PTPRD: variants seen among roughly 807,000 people sequenced by gnomAD.
PTPRD encodes the protein receptor-type tyrosine-protein phosphatase delta.
Under a neutral mutation model 214.5 loss-of-function variants are expected in PTPRD, and 34 were observed. The ratio of observed to expected loss-of-function variants is 0.16; its 90% CI spans 0.12 to 0.21. The LOEUF (loss-of-function observed/expected upper bound fraction) is 0.21. Ranked by LOEUF, PTPRD falls within the 10% of genes least tolerant of loss-of-function variation. PTPRD has a pLI of 1.00. For missense variants in PTPRD, 2,545 were observed against 2,398.7 expected (o/e 1.06, Z -1.27); for synonymous variants, 1,128 against 845.7 (o/e 1.33, Z -5.79).
At chr9:10,462,282 G>A (rs1302079071) in intron 2 of PTPRD, among the ~76,000 whole-genome samples, 1 of 152,088 alleles carries the variant, frequency 6.6e-6, no homozygotes, top group African/African-American at 2.4e-5. Flanking sequence ...ATTTCTATAT[G>A]AATATTGGTC....
intron 2 of PTPRD, among the ~76,000 whole-genome samples, chr9:10,440,693 C>T (rs1053268605): frequency 2.6e-5 from 4 of 151,560 alleles, no homozygotes; most frequent in South Asian, 2.1e-4. Flanking sequence ...CATTTCACCT[C>T]GAGAGCCAAT....
chr9:10,605,694 T>C (rs1044779750), intron 2 of PTPRD, among the ~76,000 whole-genome samples: 2 of 151,772 alleles, frequency 1.3e-5, no homozygotes, highest in African/African-American at 2.4e-5. Context: ...AGAAATGCCT[T>C]AGGGAAGAGA....
At chr9:9,900,641 G>GTTTTTTTTTTTGTTTTTTTTTTTTTT (rs367877727) in intron 5 of PTPRD, among the ~76,000 whole-genome samples, 1 of 120,086 alleles carries the variant, frequency 8.3e-6, no homozygotes, top group African/African-American at 3.1e-5. Flanking sequence ...ACATTTTCAG[G>GTTTTTTTTTTTGTTTTTTTTTTTTTT]TTTTTTTTTT....
chr9:9,972,325 G>A (rs537556707), intron 4 of PTPRD, among the ~76,000 whole-genome samples: 14 of 152,222 alleles, frequency 9.2e-5, no homozygotes, highest in Admixed American at 2.6e-4. Context: ...CTCTTCTCAA[G>A]AGGAATCAAT....
chr9:10,139,288 G>GAA (rs59813570), intron 3 of PTPRD, among the ~76,000 whole-genome samples: 1 of 148,938 alleles, frequency 6.7e-6, no homozygotes, highest in Non-Finnish European at 1.5e-5. Flanking sequence ...TAATAGCAAT[G>GAA]AAAAAAAAAT....
intron 9 of PTPRD, among the ~76,000 whole-genome samples, chr9:9,342,923 T>A (rs955377115): frequency 6.6e-6 from 1 of 151,796 alleles, no homozygotes. Flanking sequence ...TGATGTTCCC[T>A]TCCCTGTTTC....
At chr9:10,006,059 A>G (rs929512826) in intron 4 of PTPRD, among the ~76,000 whole-genome samples, 27 of 152,076 alleles carry the variant, frequency 1.8e-4, no homozygotes, top group African/African-American at 6.5e-4. Context: ...ATGGTATTAT[A>G]CAAAAAATGA....
chr9:10,370,037 A>C (rs1047440333), intron 2 of PTPRD, among the ~76,000 whole-genome samples: 5 of 152,090 alleles, frequency 3.3e-5, no homozygotes, highest in Non-Finnish European at 5.9e-5. Context: ...CCTTTTCTAC[A>C]GATGTTGAAA....
chr9:8,480,317 T>C lies in PTPRD; in HGVS notation c.3413+3802A>G, dbSNP rs543864679. 3.7e-4 allele frequency among the ~76,000 whole-genome samples: 56 copies of C among 152,300 alleles called. 1 individual carries two copies. In the South Asian group the frequency reaches 0.011, roughly 31 times the overall value. ...GCCCAGCTAACTTCCTGTCACTTTTTAAGCCTCAGCTTAAAAAGCCTCATT... is the reference window on the plus strand; with the variant it reads ...GCCCAGCTAACTTCCTGTCACTTTTCAAGCCTCAGCTTAAAAAGCCTCATT... On this transcript the variant is annotated intron_variant, in intron 30 of 45. Transcript: ENST00000381196.
chr9:9,516,745 C>T (rs192958245), intron 8 of PTPRD, among the ~76,000 whole-genome samples: 1 of 150,384 alleles, frequency 6.6e-6, no homozygotes, highest in East Asian at 2.0e-4. Flanking sequence ...GCTATGTTGG[C>T]CAAGGTGGTC....
At chr9:9,715,252 G>A (rs2097797724) in intron 7 of PTPRD, among the ~76,000 whole-genome samples, 1 of 152,198 alleles carries the variant, frequency 6.6e-6, no homozygotes, top group East Asian at 1.9e-4. Flanking sequence ...TATATTGCGG[G>A]CAATTTGAAG....
At chr9:8,561,291 C>A (rs1005832659) in intron 14 of PTPRD, among the ~76,000 whole-genome samples, 1 of 152,090 alleles carries the variant, frequency 6.6e-6, no homozygotes, top group Non-Finnish European at 1.5e-5. Flanking sequence ...AGCCCCAGAC[C>A]CAGCCACACT....
chr9:10,591,968 C>T lies in PTPRD; in HGVS notation c.-600+20430G>A, dbSNP rs2075566252. Among the ~76,000 whole-genome samples the T allele has an allele frequency of 2.0e-5, 3 of 152,066 alleles. No individual in the cohort carries two copies. The South Asian group carries it at 6.2e-4, about 32-fold the overall frequency. ...TTTGATTGCAGCCTTGTAAGAGATTCTGAGCTAGAATCACACAGCTGAGAC... is the reference window on the plus strand; with the variant it reads ...TTTGATTGCAGCCTTGTAAGAGATTTTGAGCTAGAATCACACAGCTGAGAC... On this transcript the variant is annotated intron_variant, in intron 2 of 45. Coordinates refer to ENST00000381196, the MANE Select transcript of PTPRD (RefSeq NM_002839.4).
chr9:8,979,084 T>A (rs2099289849), intron 11 of PTPRD, among the ~76,000 whole-genome samples: 1 of 152,194 alleles, frequency 6.6e-6, no homozygotes. Context: ...GTATGTTTCT[T>A]TTTAAAGGTT....
chr9:9,198,257 C>A (rs556107693), intron 9 of PTPRD, among the ~76,000 whole-genome samples: 1 of 152,094 alleles, frequency 6.6e-6, no homozygotes, highest in African/African-American at 2.4e-5. Flanking sequence ...TAAACACACA[C>A]GTGCAATTAA....
chr9:8,609,840 C>G (rs991102275), intron 14 of PTPRD, among the ~76,000 whole-genome samples: 2 of 151,972 alleles, frequency 1.3e-5, no homozygotes, highest in Admixed American at 1.3e-4. Context: ...TCCTTTTAAC[C>G]GTATTTTTTC....
Position 9,884,383 on chromosome 9 carries a change from A to C in PTPRD, c.-368+54124T>G, listed in dbSNP as rs543081002. 8.5e-5 allele frequency among the ~76,000 whole-genome samples: 13 copies of C among 152,288 alleles called. No individual in the cohort carries two copies. The South Asian group carries it at 2.7e-3, about 32-fold the overall frequency. On this transcript the variant is annotated intron_variant, in intron 5 of 45. Coordinates refer to ENST00000381196, the MANE Select transcript of PTPRD (RefSeq NM_002839.4). ...ATTCTTTCACCTTCAGTGTACATGT[A>C]AGTCAGGAAGATACCTCTTCTCAGA...
chr9:8,620,628 AGGG>A (rs1330736811), intron 14 of PTPRD, among the ~76,000 whole-genome samples: 124 of 152,114 alleles, frequency 8.2e-4, no homozygotes, highest in African/African-American at 2.3e-3. Flanking sequence ...AGGGGGTGGC[AGGG>A]AATCCTGTGT....
chr9:9,426,965 G>A (rs932341635), intron 8 of PTPRD, among the ~76,000 whole-genome samples: 1 of 152,144 alleles, frequency 6.6e-6, no homozygotes, highest in African/African-American at 2.4e-5. Context: ...AAAAAACAGA[G>A]CAGAAAAGAT....
Sources: gnomAD v4.1 joint callset for allele counts (sites outside exome capture counted in the v4.1 genomes callset) on GRCh38, gnomAD v4.1.1 for gene constraint, MANE v1.5 for transcripts, NCBI Gene and HGNC (gene_info 2026-07-23, HGNC 2026-07-21) for gene names.